CDKAL1: variants seen among roughly 807,000 people sequenced by gnomAD.
CDKAL1 encodes the protein threonylcarbamoyladenosine tRNA methylthiotransferase.
CDKAL1 carries 32 observed loss-of-function variants against 68.2 expected under a neutral mutation model. The observed-to-expected ratio is 0.47, with a 90% CI of 0.35 to 0.63. CDKAL1 has a LOEUF of 0.63. CDKAL1 is among the 30% of genes least tolerant of loss of function. The pLI, the probability that CDKAL1 is intolerant of heterozygous loss-of-function variation, is 0.00. For missense variants in CDKAL1, 606 were observed against 696.7 expected, an observed-to-expected ratio of 0.87 and a Z score of 1.47; for synonymous variants, 234 against 244.3, an observed-to-expected ratio of 0.96 and a Z score of 0.39.
At chr6:20,554,073 C>T (rs1174766876) in intron 4 of CDKAL1, among the ~76,000 whole-genome samples, 3 of 152,254 alleles carry the variant, frequency 2.0e-5, no homozygotes, top group Non-Finnish European at 4.4e-5. Flanking sequence ...CCGCCTTGGC[C>T]TCCCAAAGTG....
intron 9 of CDKAL1, among the ~76,000 whole-genome samples, chr6:20,846,471 G>C (rs931667318): frequency 6.6e-6 from 1 of 152,186 alleles, no homozygotes; most frequent in African/African-American, 2.4e-5. Flanking sequence ...AAGATAAAAT[G>C]AAATCCATGA....
chr6:20,905,824 C>T (rs371290766), intron 9 of CDKAL1, among the ~76,000 whole-genome samples: 67 of 152,200 alleles, frequency 4.4e-4, no homozygotes, highest in Middle Eastern at 3.4e-3. Context: ...AAAACAAACC[C>T]AGACAGCCAA....
intron 12 of CDKAL1, among the ~76,000 whole-genome samples, chr6:21,073,511 G>A (rs570719040): frequency 6.6e-6 from 1 of 152,254 alleles, no homozygotes; most frequent in East Asian, 1.9e-4. Flanking sequence ...CCAACATTTG[G>A]TATTGTCAGC....
intron 10 of CDKAL1, among the ~76,000 whole-genome samples, chr6:20,956,416 A>G (rs1455805222): frequency 6.6e-6 from 1 of 152,222 alleles, no homozygotes; most frequent in Non-Finnish European, 1.5e-5. Context: ...CATATAAATG[A>G]AGAAGTACTT....
chr6:20,954,303 T>A (rs1351479532), intron 9 of CDKAL1, among the ~76,000 whole-genome samples: 1 of 152,206 alleles, frequency 6.6e-6, no homozygotes, highest in Non-Finnish European at 1.5e-5. Flanking sequence ...ATTTGTTGTC[T>A]CTCTTGGCTA....
rs1775579274 is a variant in CDKAL1 at position 20,784,436 on chromosome 6, T to TTTTG, written c.638+3174_638+3175insGTTT. 2.0e-5 allele frequency among the ~76,000 whole-genome samples: 2 copies of TTTTG among 99,004 alleles called. 1 individual carries two copies. Among genetic ancestry groups the TTTTG allele is most frequent in the Non-Finnish European group, 4.0e-5 (2 of 49,530 alleles). 65.0% of individuals were successfully genotyped at this position (99,004 alleles called of 152,430 possible). ...TCTTTTTTTTTTTTTTTTTTTTTTT[T>TTTTG]TTTTTGAGACAGAGTCTCACTCTGT... is the stretch of plus-strand genomic sequence containing the variant. On this transcript the variant is annotated intron_variant, in intron 8 of 15. Transcript: ENST00000274695.
intron 9 of CDKAL1, among the ~76,000 whole-genome samples, chr6:20,895,023 T>A (rs1016086898): frequency 1.3e-5 from 2 of 152,224 alleles, no homozygotes; most frequent in African/African-American, 2.4e-5. Context: ...CTTCACCTGC[T>A]GCTCTACCAG....
chr6:20,538,008 G>A (rs1022193342), intron 2 of CDKAL1, among the ~76,000 whole-genome samples: 26 of 152,270 alleles, frequency 1.7e-4, no homozygotes, highest in Non-Finnish European at 2.4e-4. Flanking sequence ...GATATGCAGC[G>A]TTATATTTAT....
At chr6:20,779,616 G>A (rs373740613) in intron 7 of CDKAL1, among the ~76,000 whole-genome samples, 8 of 152,270 alleles carry the variant, frequency 5.3e-5, no homozygotes, top group African/African-American at 1.7e-4. Context: ...ACGGAGTCTC[G>A]CTGTGTCACC....
At position 20,539,374 on chromosome 6, in the gene CDKAL1, A is replaced by G. The variant is rs960076810; in HGVS notation, c.-6+3980A>G. On this transcript the variant is annotated intron_variant, in intron 2 of 15. Transcript: ENST00000274695. This position sits in a 1 kb window ranked among gnomAD's most constrained non-coding sequence, Gnocchi z 4.3. ...ACCTCACACGAAAACCTTTACCCTC[A>G]CGAAGTATGTATTCTAGTAAGATAA... Among the ~76,000 whole-genome samples the G allele has an allele frequency of 4.6e-5, 7 of 152,218 alleles. No homozygotes were observed. Among genetic ancestry groups the G allele is most frequent in the Non-Finnish European group, 8.8e-5 (6 of 68,032 alleles).
At chr6:20,629,075 G>T (rs767136172) in intron 4 of CDKAL1, among the ~76,000 whole-genome samples, 5 of 152,154 alleles carry the variant, frequency 3.3e-5, no homozygotes, top group Non-Finnish European at 7.4e-5. Flanking sequence ...TATGGCAAAA[G>T]AAAGGATTCC....
At chr6:20,761,732 G>A (rs1240626798) in intron 7 of CDKAL1, among the ~76,000 whole-genome samples, 1 of 152,202 alleles carries the variant, frequency 6.6e-6, no homozygotes, top group Non-Finnish European at 1.5e-5. Context: ...TACGGAAGGA[G>A]TAAACGGATC....
chr6:20,633,347 A>G (rs754997415), intron 4 of CDKAL1, among the ~76,000 whole-genome samples: 2 of 152,184 alleles, frequency 1.3e-5, no homozygotes, highest in Non-Finnish European at 2.9e-5. Flanking sequence ...AGATTCGCCT[A>G]TGTTGTGTGT....
At chr6:20,956,735 A>G (rs897293064) in intron 10 of CDKAL1, among the ~76,000 whole-genome samples, 3 of 152,200 alleles carry the variant, frequency 2.0e-5, no homozygotes, top group Non-Finnish European at 2.9e-5. Context: ...GGCTTCCTTA[A>G]TATCAACAAC....
intron 8 of CDKAL1, among the ~76,000 whole-genome samples, chr6:20,828,791 A>G (rs1246194415): frequency 1.3e-5 from 2 of 152,170 alleles, no homozygotes; most frequent in Non-Finnish European, 2.9e-5. Context: ...CATCACCACT[A>G]TCCACCTCCA....
intron 9 of CDKAL1, among the ~76,000 whole-genome samples, chr6:20,848,967 A>AT (rs1758850154): frequency 6.6e-6 from 1 of 151,592 alleles, no homozygotes; most frequent in African/African-American, 2.4e-5. Context: ...TAATTTTTAA[A>AT]TTTTTTAGAG....
chr6:21,113,661 G>T (rs1774237999), intron 13 of CDKAL1, among the ~76,000 whole-genome samples: 1 of 151,574 alleles, frequency 6.6e-6, no homozygotes, highest in Non-Finnish European at 1.5e-5. Flanking sequence ...TAGAGATGGG[G>T]TTTCACCATG....
chr6:20,714,699 T>C lies in CDKAL1; in HGVS notation c.372-24820T>C, dbSNP rs189786895. Among the ~76,000 whole-genome samples, 210 of 152,332 alleles carry C rather than the reference T, an allele frequency of 1.4e-3. 1 individual carries two copies. Among genetic ancestry groups the C allele is most frequent in the Admixed American group, 2.5e-3 (38 of 15,298 alleles). On this transcript the variant is annotated intron_variant, in intron 5 of 15. Coordinates refer to ENST00000274695, the MANE Select transcript of CDKAL1 (RefSeq NM_017774.3). ...ACTGAAATGAAAATTGGCAGACTTTTGCTGCTTCTTTATTACCCAATGTTA... is the reference window on the plus strand; with the variant it reads ...ACTGAAATGAAAATTGGCAGACTTTCGCTGCTTCTTTATTACCCAATGTTA...
intron 11 of CDKAL1, among the ~76,000 whole-genome samples, chr6:21,042,871 A>C (rs978334887): frequency 6.6e-6 from 1 of 151,992 alleles, no homozygotes; most frequent in Non-Finnish European, 1.5e-5. Context: ...CCTGCATCCT[A>C]TGGTGTTTGT....
Sources: allele counts gnomAD v4.1 joint callset (sites outside exome capture counted in the v4.1 genomes callset), GRCh38; gene constraint gnomAD v4.1.1; non-coding constraint Gnocchi (gnomAD v3.1); transcripts MANE v1.5; gene names NCBI Gene and HGNC (gene_info 2026-07-23, HGNC 2026-07-21).